Variants in INPP5B observed in about 807,000 individuals in gnomAD.
INPP5B encodes type II inositol 1,4,5-trisphosphate 5-phosphatase.
In INPP5B, 90 loss-of-function variants were observed where a neutral mutation model predicts 118.5. The observed-to-expected ratio is 0.76, with a 90% CI of 0.64 to 0.90. INPP5B has a LOEUF of 0.90. Ranked by LOEUF, INPP5B falls within the 40% of genes least tolerant of loss-of-function variation. The pLI is 0.00. For missense variants in INPP5B, 984 were observed against 1,125.6 expected, an observed-to-expected ratio of 0.87 and a Z score of 1.80; for synonymous variants, 385 against 418.9, an observed-to-expected ratio of 0.92 and a Z score of 0.99.
chr1:37,946,012 C>G (rs529328451), intron 2 of INPP5B, among the ~76,000 whole-genome samples, 162 bp from the exon 3 acceptor site: 85 of 152,354 alleles, frequency 5.6e-4, no homozygotes, highest in African/African-American at 2.0e-3. Context: ...GCTCTCTAAG[C>G]CTTCCTTATC....
At position 37,864,315 on chromosome 1, in the gene INPP5B, G is replaced by C; in HGVS notation, c.2623C>G (p.Leu875Val). The C allele has an allele frequency of 6.4e-7, 1 of 1,567,802 alleles. No homozygotes were observed. Among genetic ancestry groups the C allele is most frequent in the East Asian group, 2.2e-5 (1 of 44,576 alleles). Residue 875 changes from leucine to valine, a missense_variant, in exon 23 of 24, where the codon CTA (leucine) becomes GTA (valine). Physicochemically the swap from Leu to Val is conservative, Grantham distance 32. Coordinates refer to ENST00000373024, the MANE Select transcript of INPP5B (RefSeq NM_005540.3). ...SAKNHLDENI[L>V]ASIFGSLLLR... is the part of the protein sequence containing the mutation. ...CCATAGACATTTGGCTGCTTACCTA[G>C]AATATTCTCATCCAAATGATTTTTT...
At chr1:37,939,873 G>C (rs1645850621) in intron 6 of INPP5B, among the ~76,000 whole-genome samples, 1 of 152,162 alleles carries the variant, frequency 6.6e-6, no homozygotes, top group Middle Eastern at 3.2e-3. Context: ...CTCCCAAGTA[G>C]TTGGGATTAC....
At chr1:37,899,850 A>G (rs1426469914) in intron 7 of INPP5B, among the ~76,000 whole-genome samples, 2 of 151,482 alleles carry the variant, frequency 1.3e-5, no homozygotes, top group African/African-American at 2.4e-5. Context: ...AGTATCCGGG[A>G]CTACAGGAGT....
chr1:37,895,769 C>G (rs1349619998), intron 7 of INPP5B, among the ~76,000 whole-genome samples: 2 of 152,232 alleles, frequency 1.3e-5, no homozygotes, highest in Non-Finnish European at 2.9e-5. Context: ...CCAGCCTCGG[C>G]CTCCTGAGGT....
chr1:37,946,121 T>TACTG, intron 2 of INPP5B, 131 bp downstream of exon 2: 1 of 854,902 alleles, frequency 1.2e-6, no homozygotes, highest in Non-Finnish European at 1.9e-6. Flanking sequence ...AGTAAGTACT[T>TACTG]AGTAAATACT....
intron 17 of INPP5B, among the ~76,000 whole-genome samples, chr1:37,874,598 G>T (rs1170920066): frequency 6.6e-6 from 1 of 152,158 alleles, no homozygotes; most frequent in African/African-American, 2.4e-5. Context: ...AGGAGTTCAA[G>T]ACCAGCCTGG....
At chr1:37,927,696 C>T (rs1008492146) in intron 7 of INPP5B, among the ~76,000 whole-genome samples, 1 of 151,718 alleles carries the variant, frequency 6.6e-6, no homozygotes, top group Non-Finnish European at 1.5e-5. Context: ...ACCACCATGC[C>T]CGGCTAATTT....
chr1:37,916,056 T>C (rs1644849870), intron 7 of INPP5B, among the ~76,000 whole-genome samples: 1 of 151,924 alleles, frequency 6.6e-6, no homozygotes, highest in South Asian at 2.1e-4. Context: ...TAACATCCGG[T>C]AGCCAGGCCT....
At position 37,940,699 on chromosome 1, in the gene INPP5B, C is replaced by T. The variant is rs1326966872; in HGVS notation, c.380G>A (p.Arg127Lys). Residue 127 changes from arginine (R) to lysine (K), a missense_variant, in exon 6 of 24, where the codon AGG becomes AAG. Arg to Lys is a conservative substitution (Grantham distance 26, BLOSUM62 2). This residue lies in a region of INPP5B where 350 missense variants were observed against 334.6 expected (regional missense o/e 1.05). Transcript: ENST00000373024. Reference protein sequence around the residue: ...QTRMFLHEVARACPGFDSATR... With the variant: ...QTRMFLHEVAKACPGFDSATR... Reference sequence around the variant, plus strand: ...GGGGTCTTACCTACCTGGACAGGCCCTGGCAACTTCGTGGAGGAACATCCT... The same window carrying T: ...GGGGTCTTACCTACCTGGACAGGCCTTGGCAACTTCGTGGAGGAACATCCT... 1.2e-6 allele frequency: 2 copies of T among 1,613,088 alleles called. No homozygotes were observed. The highest frequency in any genetic ancestry group is 2.2e-5 in the South Asian group (2 of 91,064).
At chr1:37,923,979 T>C (rs1251076057) in intron 7 of INPP5B, among the ~76,000 whole-genome samples, 4 of 152,064 alleles carry the variant, frequency 2.6e-5, no homozygotes, top group Non-Finnish European at 5.9e-5. Flanking sequence ...GTTTTCACCA[T>C]GTTGGCCAGG....
chr1:37,926,434 C>A (rs995262920), intron 7 of INPP5B, among the ~76,000 whole-genome samples: 2 of 152,124 alleles, frequency 1.3e-5, no homozygotes, highest in African/African-American at 4.8e-5. Context: ...CAGGCGCACG[C>A]CACCACGCCC....
chr1:37,932,363 C>CTTTTTTTTTTTTTTTTT (rs58150703), intron 6 of INPP5B, among the ~76,000 whole-genome samples: 6 of 87,804 alleles, frequency 6.8e-5, no homozygotes, highest in Non-Finnish European at 8.8e-5. Context: ...CTTTTCTTTT[C>CTTTTTTTTTTTTTTTTT]TTTTTTTTTT....
intron 14 of INPP5B, among the ~76,000 whole-genome samples, chr1:37,881,800 G>A (rs1204452463): frequency 1.3e-5 from 2 of 152,062 alleles, no homozygotes; most frequent in Non-Finnish European, 2.9e-5. Flanking sequence ...TCTGCACTGG[G>A]GAAAAAAAGA....
chr1:37,861,939 G>C lies in INPP5B; in HGVS notation c.*376C>G, dbSNP rs1641722433. 5.8e-6 allele frequency: 1 copy of C among 171,428 alleles called. No individual in the cohort carries two copies. The highest frequency in any genetic ancestry group is 2.4e-5 in the African/African-American group (1 of 41,622). 10.6% of individuals were successfully genotyped at this position (171,428 alleles called of 1,614,324 possible). On this transcript the variant is annotated 3_prime_UTR_variant, in exon 24 of 24. Coordinates refer to ENST00000373024, the MANE Select transcript of INPP5B (RefSeq NM_005540.3). ...CAGTCCCAGCTACTCGGGAGGCTGA[G>C]GCAGGATAATTGCTTGCACCCAGGA...
chr1:37,874,408 C>T (rs1642661396), intron 17 of INPP5B, among the ~76,000 whole-genome samples: 1 of 152,150 alleles, frequency 6.6e-6, no homozygotes, highest in Non-Finnish European at 1.5e-5. Context: ...ATCTTCTATA[C>T]CCAAAAACCA....
chr1:37,927,749 G>A (rs1223979687), intron 7 of INPP5B, among the ~76,000 whole-genome samples: 3 of 151,976 alleles, frequency 2.0e-5, no homozygotes, highest in Non-Finnish European at 2.9e-5. Flanking sequence ...ATGTTAGCCA[G>A]GATGGTCTCA....
chr1:37,863,219 A>T (rs76818414), intron 23 of INPP5B, among the ~76,000 whole-genome samples: 117 of 150,996 alleles, frequency 7.7e-4, no homozygotes, highest in Middle Eastern at 3.5e-3. Flanking sequence ...CCTTTAAAAA[A>T]AAAAAAAAAA....
chr1:37,897,524 G>A (rs1644166278), intron 7 of INPP5B, among the ~76,000 whole-genome samples: 1 of 150,922 alleles, frequency 6.6e-6, no homozygotes, highest in Non-Finnish European at 1.5e-5. Flanking sequence ...TTAAACAGAT[G>A]CTTGAAGGCA....
chr1:37,889,396 C>T (rs1475236197), intron 9 of INPP5B, among the ~76,000 whole-genome samples, 161 bp downstream of exon 9: 1 of 152,044 alleles, frequency 6.6e-6, no homozygotes, highest in African/African-American at 2.4e-5. Context: ...AGAATAAATG[C>T]CTGTTAATAA....
Sources: gnomAD v4.1 joint callset for allele counts (sites outside exome capture counted in the v4.1 genomes callset) on GRCh38, gnomAD v4.1.1 for gene constraint, gnomAD v4.1.1 regional missense constraint, MANE v1.5 for transcripts, NCBI Gene and HGNC (gene_info 2026-07-23, HGNC 2026-07-21) for gene names.